PSTPIP1: variants seen among roughly 807,000 people sequenced by gnomAD.
PSTPIP1 encodes proline-serine-threonine phosphatase interacting protein 1, also known as proline-serine-threonine phosphatase-interacting protein 1.
A neutral mutation model predicts 69.6 loss-of-function variants in PSTPIP1; 66 were observed. That is an observed-to-expected ratio of 0.95 (90% CI 0.78 to 1.16). The LOEUF is 1.16. Among genes scored for constraint, PSTPIP1 ranks in the 50% most tolerant of loss-of-function variants. The probability of loss-of-function intolerance (pLI) is 0.00; values close to 1 mark genes in which losing one functional copy is unlikely to be tolerated. For synonymous variants in PSTPIP1, 266 were observed against 222.7 expected (o/e 1.19, Z -1.73); for missense variants, 603 against 557.4 (o/e 1.08, Z -0.82).
intron 6 of PSTPIP1, among the ~76,000 whole-genome samples, 190 bp downstream of exon 6, chr15:77,028,104 G>A (rs769587319): frequency 2.0e-5 from 3 of 152,006 alleles, no homozygotes; most frequent in Non-Finnish European, 4.4e-5. Context: ...TGGCCCCGTG[G>A]GGATGGTCCC....
At chr15:77,010,796 G>A (rs867658769) in intron 1 of PSTPIP1, among the ~76,000 whole-genome samples, 1 of 152,010 alleles carries the variant, frequency 6.6e-6, no homozygotes, top group African/African-American at 2.4e-5. Context: ...ACATGTGCCC[G>A]CCACTACGCC....
chr15:76,999,640 TC>T (rs1053563412), intron 1 of PSTPIP1: 2 of 152,216 alleles, frequency 1.3e-5, no homozygotes, highest in Non-Finnish European at 2.9e-5. Flanking sequence ...TACTAGGTGG[TC>T]CACGCTGGAC....
In PSTPIP1 at chr15:77,033,006, G is replaced by A. The variant is rs542610612; in HGVS notation, c.929+54G>A. On this transcript the variant is annotated intron_variant, in intron 12 of 14. Coordinates refer to ENST00000558012, the MANE Select transcript of PSTPIP1 (RefSeq NM_003978.5). Reference sequence around the variant, plus strand: ...CTAAGGCTGGGCCAGGAAGTGGGTCGAGCCCCTCCTCTGCACCTGGCCCTT... The same window carrying A: ...CTAAGGCTGGGCCAGGAAGTGGGTCAAGCCCCTCCTCTGCACCTGGCCCTT... 5.5e-4 allele frequency: 837 copies of A among 1,515,236 alleles called. 3 individuals carry two copies. In the African/African-American group the frequency reaches 0.011, roughly 19 times the overall value. 93.9% of individuals were successfully genotyped at this position (1,515,236 alleles called of 1,614,324 possible). A position where few individuals can be genotyped will look rare whatever the true frequency, so the allele number is the denominator to read the frequency against.
chr15:77,012,991 C>T (rs1427932898), intron 1 of PSTPIP1, among the ~76,000 whole-genome samples: 2 of 152,238 alleles, frequency 1.3e-5, no homozygotes, highest in Non-Finnish European at 2.9e-5. Context: ...AGACCCCCCT[C>T]TGCCTCCATG....
chr15:77,033,508 C>T (rs969302660), intron 12 of PSTPIP1, among the ~76,000 whole-genome samples: 7 of 152,170 alleles, frequency 4.6e-5, no homozygotes, highest in African/African-American at 1.7e-4. Flanking sequence ...AAGGTGACAG[C>T]CCATTGGGAG....
At chr15:77,007,885 C>G (rs768925525) in intron 1 of PSTPIP1, 3 of 455,996 alleles carry the variant, frequency 6.6e-6, no homozygotes, top group Non-Finnish European at 1.3e-5. Context: ...TGAGCCACCG[C>G]GCCCGACTGG....
rs1265608988 is a variant in PSTPIP1 at position 77,027,960 on chromosome 15, G to A, written c.417+46G>A. Reference sequence around the variant, plus strand: ...CCGCGGCCTTCCCTCGAGGAGCAGCGCAGGTCTCAGGGTGCGATCCTGGGC... The same window carrying A: ...CCGCGGCCTTCCCTCGAGGAGCAGCACAGGTCTCAGGGTGCGATCCTGGGC... On this transcript the variant is annotated intron_variant, in intron 6 of 14. Coordinates refer to ENST00000558012, the MANE Select transcript of PSTPIP1 (RefSeq NM_003978.5). This position sits in a 1 kb window ranked among gnomAD's most constrained non-coding sequence, Gnocchi z 4.3. The A allele has an allele frequency of 2.7e-6, 4 of 1,484,074 alleles. No individual in the cohort carries two copies. The highest frequency in any genetic ancestry group is 2.4e-5 in the South Asian group (2 of 82,330). The allele number at this position is 1,484,074 out of a possible 1,614,324, so 91.9% of individuals were successfully genotyped here.
At chr15:77,003,118 C>G (rs1292010904) in intron 1 of PSTPIP1, among the ~76,000 whole-genome samples, 1 of 152,208 alleles carries the variant, frequency 6.6e-6, no homozygotes, top group Non-Finnish European at 1.5e-5. Context: ...TTCTGCCTCT[C>G]TGCACCCTCT....
Position 77,021,188 on chromosome 15 carries a change from G to C in PSTPIP1, c.212+2657G>C, listed in dbSNP as rs529494138. ...AGGTACTGCATTTCTGCAGTCCCCT[G>C]ACCTCAAACCAGCCGGGAGCCACCC... On this transcript the variant is annotated intron_variant, in intron 3 of 14. Coordinates refer to ENST00000558012, the MANE Select transcript of PSTPIP1 (RefSeq NM_003978.5). Among the ~76,000 whole-genome samples, 18 of 152,324 alleles carry C rather than the reference G, an allele frequency of 1.2e-4. 1 individual carries two copies. In the South Asian group the frequency reaches 3.7e-3, roughly 32 times the overall value.
chr15:76,994,896 G>T, upstream of PSTPIP1: 2 of 1,286,060 alleles, frequency 1.6e-6, no homozygotes, highest in South Asian at 2.5e-5. Context: ...GTGCTGGACT[G>T]GCTGGCGGGT....
At chr15:77,023,107 A>T (rs2076197194) in intron 3 of PSTPIP1, among the ~76,000 whole-genome samples, 1 of 152,248 alleles carries the variant, frequency 6.6e-6, no homozygotes, top group African/African-American at 2.4e-5. Flanking sequence ...GATTCCTTAC[A>T]GCACCCCTCA....
intron 5 of PSTPIP1, chr15:77,026,242 G>A (rs937218204): frequency 2.9e-5 from 13 of 455,314 alleles, no homozygotes; most frequent in African/African-American, 2.4e-4. Context: ...TAGGTTCCCT[G>A]GAGGGCAGGC....
intron 1 of PSTPIP1, among the ~76,000 whole-genome samples, chr15:76,996,652 C>A (rs181568154): frequency 6.6e-6 from 1 of 152,378 alleles, no homozygotes; most frequent in East Asian, 1.9e-4. Context: ...CTGTGGCCAG[C>A]GTGTGAGTGT....
At chr15:77,000,460 G>GATATATATATATATATATATAT (rs1045472754) in intron 1 of PSTPIP1, among the ~76,000 whole-genome samples, 4 of 141,686 alleles carry the variant, frequency 2.8e-5, no homozygotes, top group African/African-American at 1.1e-4. Flanking sequence ...TTTAAAGAGA[G>GATATATATATATATATATATAT]ATATATATAT....
intron 7 of PSTPIP1, 136 bp downstream of exon 7, chr15:77,028,788 C>G: frequency 2.5e-6 from 2 of 792,052 alleles, no homozygotes; most frequent in Non-Finnish European, 3.8e-6. Context: ...CCCCCAATCT[C>G]CCCATCTGTG....
At chr15:77,030,456 G>A in intron 8 of PSTPIP1, 46 bp from the exon 9 acceptor site, 1 of 1,585,924 alleles carries the variant, frequency 6.3e-7, no homozygotes, top group Non-Finnish European at 8.6e-7. Context: ...TACAGGGGTG[G>A]AGGAGCTCGT....
chr15:76,998,198 A>C (rs1213610096), intron 1 of PSTPIP1, among the ~76,000 whole-genome samples: 4 of 152,220 alleles, frequency 2.6e-5, no homozygotes, highest in African/African-American at 9.6e-5. Context: ...AGATTGTGCC[A>C]CTGTACTCTA....
chr15:77,025,858 C>T (rs983380037), intron 5 of PSTPIP1, among the ~76,000 whole-genome samples: 1 of 152,126 alleles, frequency 6.6e-6, no homozygotes, highest in Non-Finnish European at 1.5e-5. Context: ...CTGCCTCACG[C>T]CTAGGAGGAT....
intron 12 of PSTPIP1, among the ~76,000 whole-genome samples, chr15:77,034,201 TG>T (rs55986457): frequency 0.79 from 107,894 of 136,966 alleles, 39,508 homozygotes; most frequent in African/African-American, 0.9. Flanking sequence ...AAAAGAGGTG[TG>T]GGGGCACGCA....
Sources: allele counts gnomAD v4.1 joint callset (sites outside exome capture counted in the v4.1 genomes callset), GRCh38; gene constraint gnomAD v4.1.1; non-coding constraint Gnocchi (gnomAD v3.1); transcripts MANE v1.5; gene names NCBI Gene and HGNC (gene_info 2026-07-23, HGNC 2026-07-21).